HMCN1: variants seen among roughly 807,000 people sequenced by gnomAD.
The protein encoded by HMCN1 is hemicentin 1.
A neutral mutation model predicts 625.9 loss-of-function variants in HMCN1; 321 were observed. The observed-to-expected ratio is 0.51, with a 90% confidence interval of 0.47 to 0.56. The LOEUF is 0.56. HMCN1 is among the 20% of genes least tolerant of loss of function. HMCN1 has a pLI of 0.00. For missense variants in HMCN1, 6,588 were observed against 6,887.3 expected, an observed-to-expected ratio of 0.96 and a Z score of 1.54; for synonymous variants, 2,425 against 2,417.6, an observed-to-expected ratio of 1.00 and a Z score of -0.09.
In HMCN1 at chr1:186,055,639, G is replaced by A. The variant is rs1404827864; in HGVS notation, c.7109G>A (p.Gly2370Glu). The A allele has an allele frequency of 1.2e-6, 2 of 1,612,558 alleles. No homozygotes were observed. Among genetic ancestry groups the A allele is most frequent in the Non-Finnish European group, 1.7e-6 (2 of 1,179,076 alleles). Residue 2370 changes from glycine (G) to glutamate (E), a missense_variant, in exon 45 of 107, where the codon GGA (glycine) becomes GAA (glutamate). Gly to Glu is a moderately conservative substitution (Grantham distance 98, BLOSUM62 -2). Transcript: ENST00000271588. The part of the protein sequence containing the change: ...RYVCVAVNVA[G>E]MTDKKYDLSV... ...GTGTGTGTTGCTGTGAATGTAGCAGGAATGACTGACAAAAAATATGACTTA... is the reference window on the plus strand; with the variant it reads ...GTGTGTGTTGCTGTGAATGTAGCAGAAATGACTGACAAAAAATATGACTTA...
intron 1 of HMCN1, among the ~76,000 whole-genome samples, chr1:185,816,553 C>T (rs1006712777): frequency 3.3e-5 from 5 of 152,224 alleles, no homozygotes; most frequent in African/African-American, 4.8e-5. Context: ...TGATGTATAA[C>T]GTTTTTATGC....
At chr1:186,174,250 G>T (rs189299437) in intron 102 of HMCN1, among the ~76,000 whole-genome samples, 159 of 152,234 alleles carry the variant, frequency 1.0e-3, no homozygotes, top group African/African-American at 3.6e-3. Context: ...AAGGAGGAAG[G>T]GATATAGAGA....
In HMCN1 at chr1:186,017,031, C is replaced by G. The variant is rs1654411787; in HGVS notation, c.5260C>G (p.Leu1754Val). 1.9e-6 allele frequency: 3 copies of G among 1,608,936 alleles called. No homozygotes were observed. In the East Asian group the frequency reaches 6.7e-5, roughly 36 times the overall value. ...FIVMVNNLLE[L>V]DCHVTGSPPP... The stretch of plus-strand genomic sequence containing the variant: ...TGTGATGGTTAATAACTTACTGGAG[C>G]TAGATTGTCATGTGACAGGCTCTCC... The change falls in exon 33 of 107, where the codon CTA (leucine) becomes GTA (valine). Residue 1754 changes from leucine to valine, a missense_variant. Physicochemically the swap from Leu to Val is conservative, Grantham distance 32. Coordinates refer to ENST00000271588, the MANE Select transcript of HMCN1 (RefSeq NM_031935.3).
intron 105 of HMCN1, among the ~76,000 whole-genome samples, chr1:186,184,163 G>T (rs1422348067): frequency 1.3e-5 from 2 of 152,106 alleles, no homozygotes; most frequent in African/African-American, 4.8e-5. Flanking sequence ...ATCAGAAACA[G>T]GTGTCACTTG....
intron 1 of HMCN1, among the ~76,000 whole-genome samples, chr1:185,837,400 T>G (rs1571425027): frequency 6.6e-6 from 1 of 152,198 alleles, no homozygotes; most frequent in East Asian, 1.9e-4. Flanking sequence ...TTTGCTATCT[T>G]TTTTTAGAGT....
chr1:186,048,634 T>C, intron 41 of HMCN1, 109 bp from the exon 42 acceptor site: 1 of 725,534 alleles, frequency 1.4e-6, no homozygotes, highest in South Asian at 1.5e-5. Flanking sequence ...ATTTTTTATA[T>C]GTATGTGAAT....
intron 1 of HMCN1, among the ~76,000 whole-genome samples, chr1:185,749,981 C>G (rs1236902342): frequency 6.6e-6 from 1 of 152,222 alleles, no homozygotes. Context: ...AAAGTCACCT[C>G]CTCCGAAAAG....
At chr1:185,788,789 A>AT (rs11374278) in intron 1 of HMCN1, among the ~76,000 whole-genome samples, 9,393 of 151,088 alleles carry the variant, frequency 0.062, 852 homozygotes, top group African/African-American at 0.21. Flanking sequence ...TTTTTAATGG[A>AT]TTTTTTTTTC....
chr1:186,060,229 A>C (rs574820549), intron 46 of HMCN1, among the ~76,000 whole-genome samples: 1 of 152,232 alleles, frequency 6.6e-6, no homozygotes, highest in Non-Finnish European at 1.5e-5. Flanking sequence ...ACATAAACAG[A>C]AAACAGATAG....
intron 19 of HMCN1, 115 bp from the exon 20 acceptor site, chr1:185,987,317 A>T (rs1164214421): frequency 1.1e-5 from 8 of 748,358 alleles, no homozygotes; most frequent in East Asian, 2.5e-5. Flanking sequence ...GAAAATGTTA[A>T]ATAATTGCTC....
rs757349536 is a variant in HMCN1 at position 186,108,540 on chromosome 1, G to A, written c.10932G>A (p.Lys3644=). 1.2e-6 allele frequency: 2 copies of A among 1,613,958 alleles called. No homozygotes were observed. Among genetic ancestry groups the A allele is most frequent in the Non-Finnish European group, 1.7e-6 (2 of 1,179,980 alleles). ...LRNRQVTLEC[K]SDAVPPPVIT... Reference sequence around the variant, plus strand: ...ACAGACAAGTGACATTGGAATGCAAGTCAGATGCAGTGCCCCCACCTGTAA... The same window carrying A: ...ACAGACAAGTGACATTGGAATGCAAATCAGATGCAGTGCCCCCACCTGTAA... Residue 3644 remains lysine (K), a synonymous_variant, in exon 71 of 107, where the codon AAG becomes AAA. Transcript: ENST00000271588.
chr1:186,119,405 TA>T (rs1661289577), intron 78 of HMCN1, 107 bp downstream of exon 78: 6 of 882,902 alleles, frequency 6.8e-6, no homozygotes, highest in Non-Finnish European at 1.2e-5. Context: ...TGAACCATAG[TA>T]ATATCTTGGG....
In HMCN1 at chr1:186,120,265, T is replaced by C. The variant is rs534485456; in HGVS notation, c.12229+120T>C. ...CCCCATAGTTCTCGACATTCTTAGTTTGCATTATCCTATTGGTTTTTCTAT... is the reference window on the plus strand; with the variant it reads ...CCCCATAGTTCTCGACATTCTTAGTCTGCATTATCCTATTGGTTTTTCTAT... On this transcript the variant is annotated intron_variant, in intron 80 of 106. Coordinates refer to ENST00000271588, the MANE Select transcript of HMCN1 (RefSeq NM_031935.3). 27 of 1,142,480 alleles carry C rather than the reference T, an allele frequency of 2.4e-5. No homozygotes were observed. The African/African-American group carries it at 3.4e-4, about 14-fold the overall frequency. 70.8% of individuals were successfully genotyped at this position (1,142,480 alleles called of 1,614,324 possible). A position where few individuals can be genotyped will look rare whatever the true frequency, so the allele number is the denominator to read the frequency against.
chr1:186,097,564 A>C (rs1660192425), intron 68 of HMCN1, among the ~76,000 whole-genome samples: 1 of 152,138 alleles, frequency 6.6e-6, no homozygotes, highest in Non-Finnish European at 1.5e-5. Flanking sequence ...AAAGGAAACA[A>C]ATAAATGGAA....
intron 1 of HMCN1, among the ~76,000 whole-genome samples, chr1:185,797,739 G>A (rs951525924): frequency 7.8e-6 from 1 of 128,414 alleles, no homozygotes; most frequent in Non-Finnish European, 1.5e-5. Context: ...GGCCGAGGCG[G>A]GCGGATCACG....
intron 2 of HMCN1, among the ~76,000 whole-genome samples, chr1:185,846,338 C>T (rs890884232): frequency 2.3e-4 from 35 of 152,146 alleles, no homozygotes; most frequent in Middle Eastern, 3.2e-3. Flanking sequence ...TACACTATCA[C>T]GGCAGAGTTG....
chr1:186,033,135 G>A (rs1437509144), intron 36 of HMCN1, among the ~76,000 whole-genome samples: 3 of 151,588 alleles, frequency 2.0e-5, no homozygotes, highest in Non-Finnish European at 4.4e-5. Context: ...ATGAAATAAT[G>A]TCTTTTGCAG....
intron 1 of HMCN1, among the ~76,000 whole-genome samples, chr1:185,794,998 C>T (rs536305903): frequency 1.6e-4 from 25 of 152,174 alleles, no homozygotes; most frequent in Non-Finnish European, 3.2e-4. Context: ...GTTAAGGTCA[C>T]TGTCTATTTC....
intron 4 of HMCN1, among the ~76,000 whole-genome samples, chr1:185,889,052 T>A (rs1664870661): frequency 7.0e-6 from 1 of 142,236 alleles, no homozygotes; most frequent in Non-Finnish European, 1.5e-5. Context: ...TTCCTAGGTA[T>A]TTTATTCTCT....
Sources: allele counts gnomAD v4.1 joint callset (sites outside exome capture counted in the v4.1 genomes callset), GRCh38; gene constraint gnomAD v4.1.1; transcripts MANE v1.5; gene names NCBI Gene and HGNC (gene_info 2026-07-23, HGNC 2026-07-21).